Variants in SCFD2 observed in about 807,000 individuals in gnomAD.
SCFD2 encodes sec1 family domain-containing protein 2.
In SCFD2, 54 loss-of-function variants were observed where a neutral mutation model predicts 58.9. That is an observed-to-expected ratio of 0.92 (90% CI 0.74 to 1.15). SCFD2 has a LOEUF of 1.15. Ranked by LOEUF, SCFD2 falls within the 50% of genes most tolerant of loss-of-function variation. The probability of loss-of-function intolerance (pLI) is 0.00; values close to 1 mark genes in which losing one functional copy is unlikely to be tolerated. For synonymous variants in SCFD2, 321 were observed against 335.9 expected (o/e 0.96, Z 0.49); for missense variants, 805 against 836.6 (o/e 0.96, Z 0.47).
intron 7 of SCFD2, among the ~76,000 whole-genome samples, chr4:52,888,368 A>G (rs1021580330): frequency 7.2e-5 from 11 of 152,112 alleles, no homozygotes; most frequent in African/African-American, 2.4e-4. Context: ...ATACTGGAAA[A>G]AGTTTCAAAA....
intron 1 of SCFD2, among the ~76,000 whole-genome samples, chr4:53,354,305 A>G (rs1457617699): frequency 6.6e-6 from 1 of 152,136 alleles, no homozygotes; most frequent in East Asian, 1.9e-4. Context: ...GACCCAGCGC[A>G]CCCTCTGCAG....
At position 53,042,337 on chromosome 4, in the gene SCFD2, G is replaced by GTA. The variant is rs145304372; in HGVS notation, c.1561+102994_1561+102995dup. Among the ~76,000 whole-genome samples the GTA allele has an allele frequency of 3.1e-3, 465 of 149,036 alleles. 1 individual carries two copies. The highest frequency in any genetic ancestry group is 0.019 in the East Asian group (98 of 5,122). ...CTTCTTCTAAAAAATGTGTGTGTGT[G>GTA]TATATATATATATATATCATCAAAA... On this transcript the variant is annotated intron_variant, in intron 5 of 8. Coordinates refer to ENST00000401642, the MANE Select transcript of SCFD2 (RefSeq NM_152540.4).
At chr4:53,237,035 A>C (rs1729645498) in intron 4 of SCFD2, among the ~76,000 whole-genome samples, 1 of 149,532 alleles carries the variant, frequency 6.7e-6, no homozygotes, top group African/African-American at 2.5e-5. Context: ...GGGAGTGGTG[A>C]TGACTCTTAA....
intron 3 of SCFD2, among the ~76,000 whole-genome samples, chr4:53,298,874 A>C (rs1385696124): frequency 6.6e-6 from 1 of 152,248 alleles, no homozygotes; most frequent in Non-Finnish European, 1.5e-5. Context: ...ACAGACCTGC[A>C]GCTGAGGGTC....
chr4:52,934,434 A>C (rs1303826057), intron 5 of SCFD2, among the ~76,000 whole-genome samples: 1 of 152,184 alleles, frequency 6.6e-6, no homozygotes, highest in African/African-American at 2.4e-5. Flanking sequence ...GATTCAAAAC[A>C]CATAATTATT....
chr4:53,160,538 T>C lies in SCFD2; in HGVS notation c.1312-14956A>G, dbSNP rs73143459. ...AGAGGAGGTTCAGAAAAGGAGGGGG[T>C]GTTTCAAAGGAGAAAACACAGAGGA... On this transcript the variant is annotated intron_variant, in intron 4 of 8. Coordinates refer to ENST00000401642, the MANE Select transcript of SCFD2 (RefSeq NM_152540.4). Among the ~76,000 whole-genome samples the C allele has an allele frequency of 8.7e-3, 1,309 of 151,268 alleles. 24 individuals carry two copies. Among genetic ancestry groups the C allele is most frequent in the African/African-American group, 0.03 (1,237 of 41,206 alleles).
intron 5 of SCFD2, among the ~76,000 whole-genome samples, chr4:52,992,772 G>A (rs1400078335): frequency 6.6e-6 from 1 of 151,800 alleles, no homozygotes; most frequent in Non-Finnish European, 1.5e-5. Flanking sequence ...TGTGTGAAGT[G>A]AAGCCCCCCC....
In SCFD2 at chr4:53,218,114, A is replaced by G. The variant is rs146649108; in HGVS notation, c.1311+55712T>C. ...TTCAACTTTGGTGAATCTGACAATT[A>G]TGTGTCTTGGAGTTGCTCTTCTCAA... On this transcript the variant is annotated intron_variant, in intron 4 of 8. Transcript: ENST00000401642. Among the ~76,000 whole-genome samples, 1,328 of 152,138 alleles carry G rather than the reference A, an allele frequency of 8.7e-3. 17 individuals are homozygous for G. Among genetic ancestry groups the G allele is most frequent in the African/African-American group, 0.03 (1,252 of 41,490 alleles).
At chr4:53,338,567 A>ATATTTT (rs1733750852) in intron 2 of SCFD2, among the ~76,000 whole-genome samples, 1 of 80,314 alleles carries the variant, frequency 1.2e-5, no homozygotes, top group African/African-American at 4.4e-5. Context: ...AGAAAGCAGT[A>ATATTTT]TATTTTTCTT....
Position 53,332,979 on chromosome 4 carries a change from G to C in SCFD2, c.1008-19216C>G, listed in dbSNP as rs1385322926. ...ACAGACAAACAGAGAGCCAAATCAT[G>C]AGTGAACTCCCATTCACAAATGCTT... is the stretch of plus-strand genomic sequence containing the variant. On this transcript the variant is annotated intron_variant, in intron 2 of 8. Transcript: ENST00000401642. 2.0e-5 allele frequency among the ~76,000 whole-genome samples: 3 copies of C among 150,936 alleles called. No individual in the cohort carries two copies. The East Asian group carries it at 5.8e-4, about 29-fold the overall frequency.
At chr4:53,050,010 G>GAA (rs559418975) in intron 5 of SCFD2, among the ~76,000 whole-genome samples, 78 of 152,078 alleles carry the variant, frequency 5.1e-4, no homozygotes, top group African/African-American at 1.8e-3. Context: ...TGTTAAACAG[G>GAA]AAAAAATAAA....
chr4:53,213,669 T>C (rs1728699603), intron 4 of SCFD2, among the ~76,000 whole-genome samples: 1 of 152,040 alleles, frequency 6.6e-6, no homozygotes, highest in Admixed American at 6.5e-5. Flanking sequence ...CATTTATTTA[T>C]TTTTTTATAA....
chr4:53,142,393 C>A (rs1350191400), intron 5 of SCFD2, among the ~76,000 whole-genome samples: 1 of 152,078 alleles, frequency 6.6e-6, no homozygotes, highest in African/African-American at 2.4e-5. Flanking sequence ...TCTTTTTAAC[C>A]AAATTTTCAT....
At chr4:53,250,856 C>A (rs1388870601) in intron 4 of SCFD2, among the ~76,000 whole-genome samples, 2 of 152,122 alleles carry the variant, frequency 1.3e-5, no homozygotes, top group African/African-American at 2.4e-5. Flanking sequence ...AGAGCAAACA[C>A]ATTCAAAAGC....
At chr4:53,248,556 C>T (rs892569601) in intron 4 of SCFD2, among the ~76,000 whole-genome samples, 1 of 152,186 alleles carries the variant, frequency 6.6e-6, no homozygotes, top group Non-Finnish European at 1.5e-5. Flanking sequence ...GTGGTTCTCC[C>T]AGCACGCAGC....
chr4:53,210,019 C>T (rs1431882431), intron 4 of SCFD2, among the ~76,000 whole-genome samples: 2 of 151,982 alleles, frequency 1.3e-5, no homozygotes, highest in Non-Finnish European at 2.9e-5. Context: ...ATCTTCTGGC[C>T]CTTATCACCA....
At chr4:53,015,762 C>G (rs1300330534) in intron 5 of SCFD2, among the ~76,000 whole-genome samples, 1 of 152,016 alleles carries the variant, frequency 6.6e-6, no homozygotes. Flanking sequence ...AGAGAAATAG[C>G]AAATTGATAA....
rs375570331 is a variant in SCFD2 at position 53,278,218 on chromosome 4, T to C, written c.1136-4217A>G. Among the ~76,000 whole-genome samples, 327 of 151,732 alleles carry C rather than the reference T, an allele frequency of 2.2e-3. 1 individual carries two copies. The highest frequency in any genetic ancestry group is 7.5e-3 in the African/African-American group (311 of 41,362). ...CCTGTCTCTACTAAAAATTCAAATATTAGCCGGGAGTGGTGGTGGGCACCT... is the reference window on the plus strand; with the variant it reads ...CCTGTCTCTACTAAAAATTCAAATACTAGCCGGGAGTGGTGGTGGGCACCT... On this transcript the variant is annotated intron_variant, in intron 3 of 8. Transcript: ENST00000401642.
chr4:52,885,722 G>T (rs768199767), intron 8 of SCFD2, 25 bp downstream of exon 8: 1 of 1,612,902 alleles, frequency 6.2e-7, no homozygotes, highest in Admixed American at 1.7e-5. Flanking sequence ...CTGAGCTCTT[G>T]TTCAAAGCAT....
Sources: gnomAD v4.1 joint callset for allele counts (sites outside exome capture counted in the v4.1 genomes callset) on GRCh38, gnomAD v4.1.1 for gene constraint, MANE v1.5 for transcripts, NCBI Gene and HGNC (gene_info 2026-07-23, HGNC 2026-07-21) for gene names.